The following PIWIL3 variants were observed in gnomAD, a reference collection of about 807,000 sequenced individuals.
PIWIL3 encodes the protein piwi like RNA-mediated gene silencing 3.
In PIWIL3, 101 loss-of-function variants were observed where a neutral mutation model predicts 109.7. The observed-to-expected ratio is 0.92, with a 90% CI of 0.78 to 1.09. The LOEUF is 1.09. Ranked by LOEUF, PIWIL3 falls within the 50% of genes least tolerant of loss-of-function variation. PIWIL3 has a pLI of 0.00. For synonymous variants in PIWIL3, 373 were observed against 376.4 expected, an observed-to-expected ratio of 0.99 and a Z score of 0.10; for missense variants, 1,031 against 1,072.6, an observed-to-expected ratio of 0.96 and a Z score of 0.54.
In PIWIL3 at chr22:24,720,259, G is replaced by GTT. The variant is rs56087060; in HGVS notation, c.2358-366_2358-365dup. Among the ~76,000 whole-genome samples, 1,001 of 105,288 alleles carry GTT rather than the reference G, an allele frequency of 9.5e-3. 94 individuals are homozygous for GTT. Among genetic ancestry groups the GTT allele is most frequent in the African/African-American group, 0.019 (548 of 28,784 alleles). The allele number at this position is 105,288 out of a possible 152,430, so 69.1% of individuals were successfully genotyped here. A position where few individuals can be genotyped will look rare whatever the true frequency, so the allele number is the denominator to read the frequency against. On this transcript the variant is annotated intron_variant, in intron 19 of 20. Coordinates refer to ENST00000616349, the MANE Select transcript of PIWIL3 (RefSeq NM_001255975.1). ...AGAATCACTGGACTATATTTAAACT[G>GTT]TTTTTTTTTTTTTTTTTTTTTTTTT...
At chr22:24,757,615 T>TACACACACACACACACACACACACACAC (rs139481317) in intron 4 of PIWIL3, among the ~76,000 whole-genome samples, 2 of 79,474 alleles carry the variant, frequency 2.5e-5, no homozygotes, top group African/African-American at 9.5e-5. Flanking sequence ...AAAATTTACA[T>TACACACACACACACACACACACACACAC]ACACACACAC....
intron 12 of PIWIL3, among the ~76,000 whole-genome samples, chr22:24,738,011 C>A (rs1372524859): frequency 1.3e-5 from 2 of 152,050 alleles, no homozygotes; most frequent in African/African-American, 4.8e-5. Flanking sequence ...AATTAGCTGG[C>A]TGTGGTGGTG....
rs767258800 is a variant in PIWIL3 at position 24,719,865 on chromosome 22, C to T, written c.2388G>A (p.Val796=). 3 of 1,611,664 alleles carry T rather than the reference C, an allele frequency of 1.9e-6. No homozygotes were observed. In the Admixed American group the frequency reaches 5.0e-5, roughly 27 times the overall value. ...GAGTGGGGGTAACAGTCCCATCTTG[C>T]ACAGACTGACTCACAATAAAAAAGT... ...WYDFFIVSQS[V]QDGTVTPTHY... is the part of the protein sequence containing the mutation. The change falls in exon 20 of 21, where the codon GTG becomes GTA. Residue 796 remains valine, a synonymous_variant. Transcript: ENST00000616349.
intron 18 of PIWIL3, 141 bp downstream of exon 18, chr22:24,724,746 A>AT (rs899430493): frequency 4.0e-6 from 4 of 992,722 alleles, no homozygotes; most frequent in African/African-American, 3.3e-5. Flanking sequence ...CAATTTTTTC[A>AT]TTTTTTGTAG....
At chr22:24,752,587 G>A (rs557163068) in intron 8 of PIWIL3, among the ~76,000 whole-genome samples, 1 of 151,998 alleles carries the variant, frequency 6.6e-6, no homozygotes, top group Admixed American at 6.5e-5. Flanking sequence ...CCTGCAAGGG[G>A]GCACTTTTCT....
At position 24,735,889 on chromosome 22, in the gene PIWIL3, T is replaced by C; in HGVS notation, c.1453A>G (p.Lys485Glu). The change falls in exon 13 of 21, where the codon AAA becomes GAA. Residue 485 changes from lysine to glutamate, a missense_variant. By Grantham distance (56) the Lys-to-Glu change is moderately conservative. Transcript: ENST00000616349. Reference sequence around the variant, plus strand: ...GACCAGTCTCCTTGTGAATTGGCTTTAACCTGGAAAAGAATTATAAGACAT... The same window carrying C: ...GACCAGTCTCCTTGTGAATTGGCTTCAACCTGGAAAAGAATTATAAGACAT... ...ANIVQGRRMV[K>E]ANSQGDWSRE... 1 of 1,595,678 alleles carries C rather than the reference T, an allele frequency of 6.3e-7. No individual in the cohort carries two copies. The highest frequency in any genetic ancestry group is 1.4e-5 in the African/African-American group (1 of 73,876).
intron 18 of PIWIL3, 26 bp downstream of exon 18, chr22:24,724,858 CACT>C: frequency 1.2e-6 from 2 of 1,601,858 alleles, no homozygotes; most frequent in Non-Finnish European, 1.7e-6. Context: ...AGGCATGAGT[CACT>C]ACACATTACA....
chr22:24,719,686 T>C (rs1244915068), intron 20 of PIWIL3, 62 bp downstream of exon 20: 4 of 1,560,634 alleles, frequency 2.6e-6, no homozygotes, highest in South Asian at 2.3e-5. Flanking sequence ...AGGTCCAACA[T>C]TGTTCAATGT....
rs191972120 is a variant in PIWIL3, at chr22:24,770,839, A to T, written c.-23+3483T>A. On this transcript the variant is annotated intron_variant, in intron 1 of 20. Coordinates refer to ENST00000616349, the MANE Select transcript of PIWIL3 (RefSeq NM_001255975.1). The stretch of plus-strand genomic sequence containing the variant: ...GATGGAGAGAGACTCCATCTCAAAA[A>T]AATAATAATAATAAATAAATAAAAA... 2.3e-3 allele frequency among the ~76,000 whole-genome samples: 343 copies of T among 151,730 alleles called. 1 individual carries two copies. Among genetic ancestry groups the T allele is most frequent in the Non-Finnish European group, 3.9e-3 (267 of 67,952 alleles).
intron 12 of PIWIL3, 80 bp from the exon 13 acceptor site, chr22:24,735,972 G>A (rs770483410): frequency 2.3e-5 from 26 of 1,141,306 alleles, no homozygotes; most frequent in South Asian, 8.7e-5. Flanking sequence ...CTGTAAATCC[G>A]TGCTATCTCC....
intron 12 of PIWIL3, among the ~76,000 whole-genome samples, chr22:24,737,365 G>A (rs1923720533): frequency 6.6e-6 from 1 of 152,146 alleles, no homozygotes; most frequent in African/African-American, 2.4e-5. Flanking sequence ...TTGCTTTGAA[G>A]GGAAGGACCC....
intron 4 of PIWIL3, among the ~76,000 whole-genome samples, chr22:24,757,637 C>CACACACACATAT (rs371066474): frequency 1.8e-4 from 22 of 122,820 alleles, no homozygotes; most frequent in Admixed American, 4.0e-4. Flanking sequence ...CACACACACA[C>CACACACACATAT]ATATATAAAA....
chr22:24,731,753 A>G (rs1303830222), intron 14 of PIWIL3, among the ~76,000 whole-genome samples: 1 of 152,158 alleles, frequency 6.6e-6, no homozygotes, highest in Non-Finnish European at 1.5e-5. Context: ...AAACTTTGTA[A>G]TTTTGAGTTG....
At chr22:24,719,619 A>G (rs1174613408) in intron 20 of PIWIL3, 31 bp from the exon 21 acceptor site, 1 of 1,553,828 alleles carries the variant, frequency 6.4e-7, no homozygotes, top group Non-Finnish European at 8.7e-7. Flanking sequence ...ACACAACTAA[A>G]TTTTTTTCAC....
chr22:24,755,690 AC>A, intron 6 of PIWIL3, 93 bp downstream of exon 6: 1 of 1,493,648 alleles, frequency 6.7e-7, no homozygotes, highest in Non-Finnish European at 9.2e-7. Context: ...ACTAGGAAGA[AC>A]ACTAAGTGCT....
In PIWIL3 at chr22:24,728,337, TA is replaced by T; in HGVS notation, c.1744del (p.Tyr582MetfsTer4). 1.2e-6 allele frequency: 2 copies of T among 1,614,194 alleles called. No homozygotes were observed. The highest frequency in any genetic ancestry group is 1.7e-6 in the Non-Finnish European group (2 of 1,180,036). ...CILPNDDKRR[Y>X]DSIKRYLCTK... ...ACATAGGTATCTTTTTATGCTGTCA[TA>T]TCTACGTTTGTCATCATTGGGCAGG... is the stretch of plus-strand genomic sequence containing the variant. On this transcript the variant is annotated frameshift_variant, in exon 15 of 21. Transcript: ENST00000616349. LOFTEE classifies it high-confidence loss of function.
intron 14 of PIWIL3, among the ~76,000 whole-genome samples, chr22:24,733,712 AC>A (rs67826411): frequency 0.24 from 28,164 of 116,548 alleles, 2,943 homozygotes; most frequent in East Asian, 0.53. Context: ...AACAACAACA[AC>A]AAAAAAAAAC....
intron 1 of PIWIL3, among the ~76,000 whole-genome samples, chr22:24,767,551 C>CAA (rs111565589): frequency 3.6e-5 from 4 of 112,366 alleles, no homozygotes; most frequent in Admixed American, 9.7e-5. Context: ...AACTCTGTCT[C>CAA]AAAAAAAAAA....
At position 24,759,186 on chromosome 22, in the gene PIWIL3, ATG is replaced by A. The variant is rs1925268065; in HGVS notation, c.223+681_223+682del. ...TGATGTGAGCCACTGCACCCAGTCC[ATG>A]TAATTTACACATACTATTTAATAAC... On this transcript the variant is annotated intron_variant, in intron 3 of 20. Transcript: ENST00000616349. Among the ~76,000 whole-genome samples the A allele has an allele frequency of 3.3e-5, 5 of 152,354 alleles. No homozygotes were observed. The South Asian group carries it at 1.0e-3, about 32-fold the overall frequency.
Sources: gnomAD v4.1 joint callset for allele counts (sites outside exome capture counted in the v4.1 genomes callset) on GRCh38, gnomAD v4.1.1 for gene constraint, MANE v1.5 for transcripts, NCBI Gene and HGNC (gene_info 2026-07-23, HGNC 2026-07-21) for gene names.